KRCC1: variants seen among roughly 807,000 people sequenced by gnomAD.
KRCC1 encodes the protein lysine rich coiled-coil 1.
KRCC1 carries 3 observed loss-of-function variants against 7.4 expected under a neutral mutation model. The observed-to-expected ratio is 0.40, with a 90% CI of 0.18 to 1.04. The LOEUF is 1.04. Among genes scored for constraint, KRCC1 ranks in the 50% least tolerant of loss-of-function variants. KRCC1 has a pLI of 0.33. For missense variants in KRCC1, 277 were observed against 300.9 expected (o/e 0.92, Z 0.59); for synonymous variants, 102 against 101.6 (o/e 1.00, Z -0.02).
At chr2:88,034,619 T>C (rs1673056658) in intron 2 of KRCC1, among the ~76,000 whole-genome samples, 2 of 152,226 alleles carry the variant, frequency 1.3e-5, no homozygotes, top group African/African-American at 4.8e-5. Flanking sequence ...ATGTTGATCA[T>C]TTCTTTGCAA....
At chr2:88,049,670 C>T (rs1348375937) in intron 1 of KRCC1, among the ~76,000 whole-genome samples, 1 of 151,880 alleles carries the variant, frequency 6.6e-6, no homozygotes, top group South Asian at 2.1e-4. Context: ...CAAAAACAAA[C>T]AAAAACTGAG....
rs1673460002 is a variant in KRCC1, at chr2:88,050,770, CAA to C, written c.-291+4854_-291+4855del. ...TTGAGAAACTTCACCAAATAAATTACAAAGTGTCCTGGAAAATCTTGACACCA... is the reference window on the plus strand; with the variant it reads ...TTGAGAAACTTCACCAAATAAATTACAGTGTCCTGGAAAATCTTGACACCA... On this transcript the variant is annotated intron_variant, in intron 1 of 3. Transcript: ENST00000347055. Among the ~76,000 whole-genome samples, 6 of 152,298 alleles carry C rather than the reference CAA, an allele frequency of 3.9e-5. No individual in the cohort carries two copies. In the South Asian group the frequency reaches 1.2e-3, roughly 32 times the overall value.
intron 3 of KRCC1, among the ~76,000 whole-genome samples, chr2:88,033,518 T>A (rs1673034714): frequency 6.6e-6 from 1 of 151,924 alleles, no homozygotes; most frequent in African/African-American, 2.4e-5. Context: ...AGAGAGAGAC[T>A]CCGTCTCAAA....
In KRCC1 at chr2:88,028,294, T is replaced by C; in HGVS notation, c.270A>G (p.Pro90=). 2 of 1,614,226 alleles carry C rather than the reference T, an allele frequency of 1.2e-6. No individual in the cohort carries two copies. The highest frequency in any genetic ancestry group is 1.7e-6 in the Non-Finnish European group (2 of 1,180,038). The stretch of plus-strand genomic sequence containing the variant: ...CTAGTCTCAATCTGCTGTCATGGGC[T>C]GGTAACCACTGAGGCAACCGATTTT... ...TVENRLPQWL[P]AHDSRLRLDS... The change falls in exon 4 of 4, where the codon CCA becomes CCG. Residue 90 remains proline (P), a synonymous_variant. Transcript: ENST00000347055.
Position 88,027,971 on chromosome 2 carries a change from T to C in KRCC1, c.593A>G (p.Lys198Arg). The change falls in exon 4 of 4, where the codon AAG (lysine) becomes AGG (arginine). Residue 198 changes from lysine (K) to arginine (R), a missense_variant. By Grantham distance (26) the Lys-to-Arg change is conservative. Transcript: ENST00000347055. The part of the protein sequence containing the change: ...DLDKHKSIQR[K>R]KTEVEIETVH... ...GGTTTCTATTTCCACCTCTGTTTTC[T>C]TTCTTTGGATGCTCTTGTGTTTGTC... The C allele has an allele frequency of 6.2e-7, 1 of 1,613,744 alleles. No individual in the cohort carries two copies. The highest frequency in any genetic ancestry group is 8.5e-7 in the Non-Finnish European group (1 of 1,179,964).
chr2:88,033,734 G>T (rs1026613145), intron 3 of KRCC1, among the ~76,000 whole-genome samples: 2 of 152,154 alleles, frequency 1.3e-5, no homozygotes, highest in African/African-American at 4.8e-5. Flanking sequence ...GGAAAAATTG[G>T]AAACTTCATT....
Position 88,027,432 on chromosome 2 carries a change from A to G in KRCC1, c.*352T>C. The stretch of plus-strand genomic sequence containing the variant: ...AATACCCAACTCAAAACTATAACAA[A>G]CCCAATCAAGAAACAGATTGTGCAA... On this transcript the variant is annotated 3_prime_UTR_variant, in exon 4 of 4. Coordinates refer to ENST00000347055, the MANE Select transcript of KRCC1 (RefSeq NM_016618.3). 1 of 182,954 alleles carries G rather than the reference A, an allele frequency of 5.5e-6. No homozygotes were observed. 11.3% of individuals were successfully genotyped at this position (182,954 alleles called of 1,614,324 possible).
intron 3 of KRCC1, among the ~76,000 whole-genome samples, chr2:88,032,508 T>C (rs1304952425): frequency 2.0e-5 from 3 of 152,236 alleles, no homozygotes; most frequent in African/African-American, 7.2e-5. Context: ...ACCATCAGTC[T>C]ATGATGTTTG....
intron 2 of KRCC1, among the ~76,000 whole-genome samples, chr2:88,035,082 T>C (rs985007261): frequency 2.6e-5 from 4 of 152,246 alleles, no homozygotes; most frequent in Admixed American, 6.5e-5. Context: ...TTGTGAGTTT[T>C]AATATATTTG....
At chr2:88,051,053 A>T (rs12472498) in intron 1 of KRCC1, among the ~76,000 whole-genome samples, 1 of 151,118 alleles carries the variant, frequency 6.6e-6, no homozygotes, top group Non-Finnish European at 1.5e-5. Flanking sequence ...CCTCCCAAGT[A>T]GCTGGGACTA....
At chr2:88,031,801 C>T (rs1452789362) in intron 3 of KRCC1, among the ~76,000 whole-genome samples, 2 of 151,790 alleles carry the variant, frequency 1.3e-5, no homozygotes, top group African/African-American at 4.8e-5. Context: ...GAAAAAATTA[C>T]AGTAAGCTAG....
chr2:88,032,462 G>C (rs1207860814), intron 3 of KRCC1, among the ~76,000 whole-genome samples: 2 of 152,126 alleles, frequency 1.3e-5, no homozygotes, highest in African/African-American at 2.4e-5. Flanking sequence ...AGGAGCAATA[G>C]GCTATATCAT....
At chr2:88,042,787 T>C (rs747434517) in intron 1 of KRCC1, among the ~76,000 whole-genome samples, 7 of 152,192 alleles carry the variant, frequency 4.6e-5, no homozygotes, top group African/African-American at 9.7e-5. Context: ...ATACTTTTTA[T>C]ATGCATTCAG....
chr2:88,035,687 A>C (rs949724686), intron 2 of KRCC1, among the ~76,000 whole-genome samples: 1 of 152,100 alleles, frequency 6.6e-6, no homozygotes. Flanking sequence ...AAGGACACTA[A>C]CATTTTCAGA....
In KRCC1 at chr2:88,028,112, G is replaced by A. The variant is rs752311739; in HGVS notation, c.452C>T (p.Ala151Val). The stretch of plus-strand genomic sequence containing the variant: ...CTTCTGATGTATCTGTTTGTGACTG[G>A]CTTGATGAGTACTGGTACTGTTATC... ...SSDNSTSTHQ[A>V]SHKQIHQKRK... Residue 151 changes from alanine (A) to valine (V), a missense_variant, in exon 4 of 4, where the codon GCC becomes GTC. Transcript: ENST00000347055. 2 of 1,614,010 alleles carry A rather than the reference G, an allele frequency of 1.2e-6. No individual in the cohort carries two copies. Among genetic ancestry groups the A allele is most frequent in the Non-Finnish European group, 1.7e-6 (2 of 1,180,010 alleles).
chr2:88,051,333 A>G (rs1260773073), intron 1 of KRCC1, among the ~76,000 whole-genome samples: 1 of 152,354 alleles, frequency 6.6e-6, no homozygotes, highest in East Asian at 1.9e-4. Flanking sequence ...GATGCTCTTC[A>G]AATCAGTTTT....
Position 88,050,223 on chromosome 2 carries a change from C to T in KRCC1, c.-291+5403G>A, listed in dbSNP as rs567954283. Among the ~76,000 whole-genome samples the T allele has an allele frequency of 2.2e-4, 33 of 152,130 alleles. 1 individual carries two copies. Among genetic ancestry groups the T allele is most frequent in the Admixed American group, 2.0e-3 (31 of 15,272 alleles). ...CTCCGCTTAATATCATGGAAACAAA[C>T]GAAAATATTTTTAGGCAATTACTAT... On this transcript the variant is annotated intron_variant, in intron 1 of 3. Transcript: ENST00000347055.
intron 1 of KRCC1, among the ~76,000 whole-genome samples, chr2:88,049,787 G>T (rs1490933665): frequency 6.6e-6 from 1 of 152,214 alleles, no homozygotes; most frequent in African/African-American, 2.4e-5. Flanking sequence ...AATAAAGGCA[G>T]CAAGTCTGAA....
chr2:88,051,251 T>TA (rs1331206084), intron 1 of KRCC1, among the ~76,000 whole-genome samples: 1 of 152,224 alleles, frequency 6.6e-6, no homozygotes, highest in Non-Finnish European at 1.5e-5. Context: ...TCCTTACTGA[T>TA]ATTTGCTCTT....
Sources: gnomAD v4.1 joint callset for allele counts (sites outside exome capture counted in the v4.1 genomes callset) on GRCh38, gnomAD v4.1.1 for gene constraint, MANE v1.5 for transcripts, NCBI Gene and HGNC (gene_info 2026-07-23, HGNC 2026-07-21) for gene names.